GALK2: variants seen among roughly 807,000 people sequenced by gnomAD.
GALK2 encodes the protein N-acetylgalactosamine kinase.
GALK2 carries 36 observed loss-of-function variants against 52.4 expected under a neutral mutation model. That is an observed-to-expected ratio of 0.69 (90% CI 0.53 to 0.91). The LOEUF is 0.91. GALK2 is among the 40% of genes least tolerant of loss of function. GALK2 has a pLI of 0.00. For synonymous variants in GALK2, 176 were observed against 199.1 expected (o/e 0.88, Z 0.98); for missense variants, 579 against 559.1 (o/e 1.04, Z -0.36).
chr15:49,282,744 G>C (rs895229913), intron 6 of GALK2, among the ~76,000 whole-genome samples: 1 of 152,162 alleles, frequency 6.6e-6, no homozygotes, highest in Non-Finnish European at 1.5e-5. Context: ...TTTTTCATCA[G>C]ATTCCTACAG....
At chr15:49,167,333 T>C (rs2084854276), upstream of GALK2, among the ~76,000 whole-genome samples, 1 of 152,184 alleles carries the variant, frequency 6.6e-6, no homozygotes, top group African/African-American at 2.4e-5. Context: ...ATAAAAATAC[T>C]GTAAAATATA....
intron 5 of GALK2, among the ~76,000 whole-genome samples, chr15:49,257,956 TA>T (rs974625431): frequency 1.1e-4 from 17 of 149,674 alleles, no homozygotes; most frequent in Admixed American, 2.7e-4. Flanking sequence ...TAATTATAAT[TA>T]TAATAAAATA....
At chr15:49,220,490 G>A (rs1595719557) in intron 3 of GALK2, among the ~76,000 whole-genome samples, 1 of 151,956 alleles carries the variant, frequency 6.6e-6, no homozygotes. Context: ...CTGTTGGTGG[G>A]CACTTAGGTT....
At chr15:49,228,688 T>TGTATATATATATATATATACATATA in intron 3 of GALK2, among the ~76,000 whole-genome samples, 1 of 10,444 alleles carries the variant, frequency 9.6e-5, no homozygotes, top group Non-Finnish European at 1.8e-4. Context: ...TATATATATA[T>TGTATATATATATATATATACATATA]TTTTTTTTTT....
At position 49,192,997 on chromosome 15, in the gene GALK2, C is replaced by T. The variant is rs1360801129; in HGVS notation, c.54-8165C>T. Among the ~76,000 whole-genome samples, 169 of 67,080 alleles carry T rather than the reference C, an allele frequency of 2.5e-3. 9 individuals are homozygous for T. The highest frequency in any genetic ancestry group is 4.0e-3 in the South Asian group (8 of 2,018). 44.0% of individuals were successfully genotyped at this position (67,080 alleles called of 152,430 possible). A position where few individuals can be genotyped will look rare whatever the true frequency, so the allele number is the denominator to read the frequency against. The stretch of plus-strand genomic sequence containing the variant: ...TTTGTTATGAATTTTCTGTTTATAC[C>T]TTTTTTTTTTTTTTTTTTTTGATGG... On this transcript the variant is annotated intron_variant, in intron 1 of 9. Transcript: ENST00000560031.
intron 5 of GALK2, among the ~76,000 whole-genome samples, chr15:49,259,066 T>C (rs1249856373): frequency 6.6e-6 from 1 of 151,732 alleles, no homozygotes; most frequent in African/African-American, 2.4e-5. Context: ...GATGAGTAGG[T>C]TGTGAAAATT....
intron 1 of GALK2, among the ~76,000 whole-genome samples, chr15:49,159,575 CAAA>C (rs71458473): frequency 3.1e-5 from 4 of 130,076 alleles, no homozygotes; most frequent in African/African-American, 3.1e-5. Flanking sequence ...GACTCTGTCT[CAAA>C]AAAAAAAAAA....
At chr15:49,194,059 G>A (rs1427388161) in intron 1 of GALK2, 1 of 152,110 alleles carries the variant, frequency 6.6e-6, no homozygotes, top group East Asian at 1.9e-4. Flanking sequence ...TGGGTGCAGA[G>A]GCTCATGCCT....
intron 1 of GALK2, among the ~76,000 whole-genome samples, chr15:49,160,856 G>C (rs1033935309): frequency 7.9e-5 from 12 of 151,210 alleles, no homozygotes; most frequent in Non-Finnish European, 1.8e-4. Flanking sequence ...CCTGGTGATA[G>C]AGCGAGACTC....
At chr15:49,211,304 T>C (rs1331719522) in intron 2 of GALK2, among the ~76,000 whole-genome samples, 1 of 152,214 alleles carries the variant, frequency 6.6e-6, no homozygotes, top group Non-Finnish European at 1.5e-5. Flanking sequence ...CAAAAAGTTT[T>C]GTATTTTCAT....
chr15:49,363,487 T>C (rs2044604247), intron 3 of GALK2, among the ~76,000 whole-genome samples: 1 of 152,254 alleles, frequency 6.6e-6, no homozygotes, highest in African/African-American at 2.4e-5. Context: ...TCCTGAAACT[T>C]TGCTGAAGTT....
At chr15:49,292,853 C>T (rs1271760086) in intron 8 of GALK2, among the ~76,000 whole-genome samples, 1 of 152,008 alleles carries the variant, frequency 6.6e-6, no homozygotes, top group Non-Finnish European at 1.5e-5. Context: ...AAAAAATGGA[C>T]TAAGTTAGAG....
chr15:49,174,709 A>G (rs1022418142), intron 1 of GALK2, among the ~76,000 whole-genome samples: 2 of 152,010 alleles, frequency 1.3e-5, no homozygotes, highest in African/African-American at 4.8e-5. Flanking sequence ...TGTATTTTTA[A>G]TAGAAACCAT....
intron 7 of GALK2, among the ~76,000 whole-genome samples, chr15:49,291,243 TG>T (rs1340397756): frequency 6.6e-6 from 1 of 152,220 alleles, no homozygotes; most frequent in Non-Finnish European, 1.5e-5. Flanking sequence ...TCTATTGTTT[TG>T]TTTCCCAGTT....
chr15:49,249,078 G>C (rs560726320), intron 5 of GALK2, among the ~76,000 whole-genome samples: 1 of 152,146 alleles, frequency 6.6e-6, no homozygotes, highest in African/African-American at 2.4e-5. Flanking sequence ...TAATTAACTG[G>C]AATAATGCAA....
intron 7 of GALK2, among the ~76,000 whole-genome samples, chr15:49,289,294 G>C (rs2033695656): frequency 6.6e-6 from 1 of 152,168 alleles, no homozygotes; most frequent in South Asian, 2.1e-4. Context: ...AAAAGGTGTT[G>C]AGTCAATAAG....
At chr15:49,165,267 A>G (rs2084782767), upstream of GALK2, among the ~76,000 whole-genome samples, 1 of 152,232 alleles carries the variant, frequency 6.6e-6, no homozygotes, top group Non-Finnish European at 1.5e-5. Context: ...GTGATAGAGA[A>G]TAACTGGAGA....
intron 8 of GALK2, among the ~76,000 whole-genome samples, chr15:49,303,629 C>T (rs2035302008): frequency 6.6e-6 from 1 of 152,188 alleles, no homozygotes; most frequent in South Asian, 2.1e-4. Context: ...TACCTGGTTT[C>T]CTGACCCTGC....
At chr15:49,298,190 T>C (rs1374851788) in intron 8 of GALK2, among the ~76,000 whole-genome samples, 1 of 152,048 alleles carries the variant, frequency 6.6e-6, no homozygotes, top group Non-Finnish European at 1.5e-5. Context: ...TTGTGAATGG[T>C]ATTGTGTTTT....
Sources: allele counts gnomAD v4.1 joint callset (sites outside exome capture counted in the v4.1 genomes callset), GRCh38; gene constraint gnomAD v4.1.1; transcripts MANE v1.5; gene names NCBI Gene and HGNC (gene_info 2026-07-23, HGNC 2026-07-21).